Variants in KLHL1 observed in about 807,000 individuals in gnomAD.
KLHL1 encodes kelch like family member 1.
Under a neutral mutation model 77.7 loss-of-function variants are expected in KLHL1, and 47 were observed. That is an observed-to-expected ratio of 0.60 (90% CI 0.48 to 0.77). The LOEUF is 0.77. KLHL1 is among the 30% of genes least tolerant of loss of function. The probability of loss-of-function intolerance (pLI) is 0.00; values close to 1 mark genes in which losing one functional copy is unlikely to be tolerated. For missense variants in KLHL1, 925 were observed against 910.8 expected, an observed-to-expected ratio of 1.02 and a Z score of -0.20; for synonymous variants, 360 against 325.2, an observed-to-expected ratio of 1.11 and a Z score of -1.15.
At chr13:69,954,194 T>C (rs1478813044) in intron 3 of KLHL1, among the ~76,000 whole-genome samples, 1 of 151,206 alleles carries the variant, frequency 6.6e-6, no homozygotes, top group African/African-American at 2.4e-5. Flanking sequence ...CACTGAGTGG[T>C]AGTTGCATAT....
intron 1 of KLHL1, among the ~76,000 whole-genome samples, chr13:70,006,410 T>C (rs1885405118): frequency 6.6e-6 from 1 of 151,938 alleles, no homozygotes. Context: ...TTGGGGATAT[T>C]GGTCTGTAAT....
intron 7 of KLHL1, among the ~76,000 whole-genome samples, chr13:69,785,037 C>T (rs1309869227): frequency 6.6e-6 from 1 of 151,278 alleles, no homozygotes; most frequent in Non-Finnish European, 1.5e-5. Context: ...CTACAGGCGC[C>T]CGCCACTACG....
intron 4 of KLHL1, among the ~76,000 whole-genome samples, chr13:69,918,872 G>A (rs963984321): frequency 6.6e-6 from 1 of 152,058 alleles, no homozygotes; most frequent in Non-Finnish European, 1.5e-5. Context: ...TAAAACACGG[G>A]TTGTGTAATT....
intron 1 of KLHL1, among the ~76,000 whole-genome samples, chr13:70,044,751 G>A (rs914777430): frequency 5.9e-5 from 9 of 152,060 alleles, no homozygotes; most frequent in African/African-American, 2.2e-4. Flanking sequence ...ATTTGTAATT[G>A]CATTTTAGGA....
intron 1 of KLHL1, among the ~76,000 whole-genome samples, chr13:70,083,421 T>G (rs1226526525): frequency 6.6e-6 from 1 of 152,148 alleles, no homozygotes; most frequent in Non-Finnish European, 1.5e-5. Context: ...CCTCCCACCT[T>G]AGCTGAATAG....
At position 69,776,946 on chromosome 13, in the gene KLHL1, T is replaced by G. The variant is rs544087619; in HGVS notation, c.1639+19792A>C. On this transcript the variant is annotated intron_variant, in intron 7 of 10. Transcript: ENST00000377844. ...AAAGGTTATCAGGTTAGTTTGTACC[T>G]TTTGATATAGTTTGGCTATGTCCCC... Among the ~76,000 whole-genome samples, 335 of 152,296 alleles carry G rather than the reference T, an allele frequency of 2.2e-3. 2 individuals are homozygous for G. Among genetic ancestry groups the G allele is most frequent in the Non-Finnish European group, 2.8e-3 (189 of 68,022 alleles).
chr13:69,790,187 A>G lies in KLHL1; in HGVS notation c.1639+6551T>C, dbSNP rs1593835126. ...AGCAACCTCTTATAGTGACATTGTC[A>G]GGAATTGCATGAATAACAACCTTCA... is the stretch of plus-strand genomic sequence containing the variant. On this transcript the variant is annotated intron_variant, in intron 7 of 10. Coordinates refer to ENST00000377844, the MANE Select transcript of KLHL1 (RefSeq NM_020866.3). Among the ~76,000 whole-genome samples, 3 of 152,220 alleles carry G rather than the reference A, an allele frequency of 2.0e-5. No individual in the cohort carries two copies. In the South Asian group the frequency reaches 6.2e-4, roughly 31 times the overall value.
chr13:69,752,001 T>C (rs1342946164), intron 7 of KLHL1, among the ~76,000 whole-genome samples: 1 of 152,154 alleles, frequency 6.6e-6, no homozygotes, highest in East Asian at 1.9e-4. Flanking sequence ...AATGTGACCT[T>C]GGAATCATTA....
chr13:69,783,729 C>G (rs150025080), intron 7 of KLHL1, among the ~76,000 whole-genome samples: 3,883 of 93,066 alleles, frequency 0.042, 135 homozygotes, highest in African/African-American at 0.052. Flanking sequence ...GTGACGGGGA[C>G]AATGGAACCA....
In KLHL1 at chr13:69,781,285, CT is replaced by C. The variant is rs869083780; in HGVS notation, c.1639+15452del. Among the ~76,000 whole-genome samples, 1,056 of 119,692 alleles carry C rather than the reference CT, an allele frequency of 8.8e-3. 7 individuals carry two copies. Among genetic ancestry groups the C allele is most frequent in the African/African-American group, 0.02 (614 of 31,090 alleles). 78.5% of individuals were successfully genotyped at this position (119,692 alleles called of 152,430 possible). On this transcript the variant is annotated intron_variant, in intron 7 of 10. Coordinates refer to ENST00000377844, the MANE Select transcript of KLHL1 (RefSeq NM_020866.3). ...TCTTGAGAGACTCCTTTTTTTCTTT[CT>C]TTTTTTTTTTTTTTTTTTTGTCAAA...
chr13:69,907,849 C>T (rs1882093307), intron 4 of KLHL1, among the ~76,000 whole-genome samples: 1 of 151,872 alleles, frequency 6.6e-6, no homozygotes, highest in South Asian at 2.1e-4. Flanking sequence ...AATGGAGCAA[C>T]ATAGAGGACA....
At chr13:69,905,594 A>G (rs1457896883) in intron 4 of KLHL1, among the ~76,000 whole-genome samples, 1 of 152,078 alleles carries the variant, frequency 6.6e-6, no homozygotes, top group Admixed American at 6.5e-5. Flanking sequence ...ATTCCTGCCA[A>G]CTGCATAAGA....
At chr13:69,992,445 C>T (rs895304403) in intron 1 of KLHL1, among the ~76,000 whole-genome samples, 4 of 151,922 alleles carry the variant, frequency 2.6e-5, no homozygotes, top group Non-Finnish European at 5.9e-5. Flanking sequence ...AATTTGCATA[C>T]AGATTGTATA....
chr13:69,729,072 C>G (rs988104655), intron 8 of KLHL1, among the ~76,000 whole-genome samples: 1 of 152,070 alleles, frequency 6.6e-6, no homozygotes. Context: ...GCCAAGACAG[C>G]TACCAAAGAA....
intron 5 of KLHL1, among the ~76,000 whole-genome samples, chr13:69,866,029 A>G (rs1024315407): frequency 5.3e-5 from 8 of 152,182 alleles, no homozygotes; most frequent in Admixed American, 5.2e-4. Context: ...ATAGATGAAT[A>G]GTATAAGTGA....
chr13:69,991,652 A>G (rs937976725), intron 1 of KLHL1, among the ~76,000 whole-genome samples: 1 of 150,814 alleles, frequency 6.6e-6, no homozygotes, highest in Non-Finnish European at 1.5e-5. Context: ...CTGAAATGGA[A>G]TCAGTAATAA....
At chr13:69,703,328 A>G (rs557872661) in intron 10 of KLHL1, among the ~76,000 whole-genome samples, 5 of 151,628 alleles carry the variant, frequency 3.3e-5, no homozygotes, top group Admixed American at 6.6e-5. Flanking sequence ...AATGGAAAAA[A>G]GCTCATAGAA....
At chr13:69,780,705 T>TATATATAC in intron 7 of KLHL1, among the ~76,000 whole-genome samples, 1 of 39,884 alleles carries the variant, frequency 2.5e-5, no homozygotes, top group South Asian at 7.2e-4. Context: ...TATATATGTA[T>TATATATAC]ATATATATAT....
At position 69,753,543 on chromosome 13, in the gene KLHL1, ATAGTAT is replaced by A. The variant is rs1309349866; in HGVS notation, c.1640-12993_1640-12988del. Among the ~76,000 whole-genome samples, 18 of 152,300 alleles carry A rather than the reference ATAGTAT, an allele frequency of 1.2e-4. No homozygotes were observed. In the East Asian group the frequency reaches 2.1e-3, roughly 18 times the overall value. On this transcript the variant is annotated intron_variant, in intron 7 of 10. Coordinates refer to ENST00000377844, the MANE Select transcript of KLHL1 (RefSeq NM_020866.3). Reference sequence around the variant, plus strand: ...TACAGATGGGAGACAAATCATAAAGATAGTATTAGTAGGGCCAAATCTAGATTTTAT... The same window carrying A: ...TACAGATGGGAGACAAATCATAAAGATAGTAGGGCCAAATCTAGATTTTAT...
Sources: gnomAD v4.1 joint callset for allele counts (sites outside exome capture counted in the v4.1 genomes callset) on GRCh38, gnomAD v4.1.1 for gene constraint, MANE v1.5 for transcripts, NCBI Gene and HGNC (gene_info 2026-07-23, HGNC 2026-07-21) for gene names.